Variants in ATP8A2 observed in about 807,000 individuals in gnomAD.
ATP8A2 encodes ATPase phospholipid transporting 8A2.
In ATP8A2, 100 loss-of-function variants were observed where a neutral mutation model predicts 165.6. The ratio of observed to expected loss-of-function variants is 0.60; its 90% CI spans 0.51 to 0.71. ATP8A2 has a LOEUF of 0.71. Ranked by LOEUF, ATP8A2 falls within the 30% of genes least tolerant of loss-of-function variation. The pLI is 0.00. For synonymous variants in ATP8A2, 543 were observed against 548.8 expected (o/e 0.99, Z 0.15); for missense variants, 1,227 against 1,479.5 (o/e 0.83, Z 2.80).
At chr13:25,774,716 G>C (rs2044702136) in intron 26 of ATP8A2, 133 bp from the exon 27 acceptor site, 1 of 568,076 alleles carries the variant, frequency 1.8e-6, no homozygotes, top group African/African-American at 1.9e-5. Flanking sequence ...TCAGAGAATG[G>C]TTTTCTGAGA....
intron 25 of ATP8A2, among the ~76,000 whole-genome samples, chr13:25,745,360 G>A (rs567913264): frequency 3.9e-5 from 6 of 152,188 alleles, no homozygotes; most frequent in South Asian, 4.1e-4. Context: ...GCGTTATGCC[G>A]TGAGCGTTTG....
intron 25 of ATP8A2, among the ~76,000 whole-genome samples, chr13:25,765,131 C>T (rs1004882479): frequency 6.6e-6 from 1 of 152,158 alleles, no homozygotes; most frequent in Admixed American, 6.5e-5. Context: ...ATGAGATACT[C>T]CAGGAACTGA....
At chr13:25,533,443 A>G (rs1161448312) in intron 6 of ATP8A2, 130 bp downstream of exon 6, 3 of 560,016 alleles carry the variant, frequency 5.4e-6, no homozygotes, top group Non-Finnish European at 9.5e-6. Flanking sequence ...CTGAGACCTG[A>G]TGCGTGTTTA....
chr13:25,465,716 TTTC>T (rs1441014801), intron 1 of ATP8A2, among the ~76,000 whole-genome samples: 217 of 35,586 alleles, frequency 6.1e-3, no homozygotes, highest in South Asian at 0.011. Context: ...TCTTTCTTTC[TTTC>T]TTTCTTTCTT....
intron 24 of ATP8A2, among the ~76,000 whole-genome samples, chr13:25,651,367 C>G (rs781674162): frequency 4.9e-4 from 75 of 151,936 alleles, no homozygotes; most frequent in South Asian, 1.2e-3. Flanking sequence ...CACTTGAACT[C>G]GGGAGGCAGA....
At chr13:25,861,499 T>C (rs755723162) in intron 32 of ATP8A2, among the ~76,000 whole-genome samples, 6 of 152,332 alleles carry the variant, frequency 3.9e-5, no homozygotes, top group South Asian at 2.1e-4. Context: ...CATGTGTGTC[T>C]CTCATAGTGT....
chr13:25,980,032 AT>A (rs1956144725), intron 35 of ATP8A2, among the ~76,000 whole-genome samples: 1 of 152,200 alleles, frequency 6.6e-6, no homozygotes, highest in African/African-American at 2.4e-5. Flanking sequence ...AACCGTATGT[AT>A]TTTTATGCCA....
At chr13:25,786,615 A>G (rs75837716) in intron 27 of ATP8A2, among the ~76,000 whole-genome samples, 2,412 of 152,238 alleles carry the variant, frequency 0.016, 70 homozygotes, top group African/African-American at 0.055. Flanking sequence ...AGAAGCTTTT[A>G]CTTCCCTGTT....
At chr13:25,510,654 A>G (rs933590972) in intron 2 of ATP8A2, among the ~76,000 whole-genome samples, 14 of 152,312 alleles carry the variant, frequency 9.2e-5, no homozygotes, top group Admixed American at 8.5e-4. Flanking sequence ...CTAGGTGTCA[A>G]TTGCCGCTGG....
In ATP8A2 at chr13:25,774,746, C is replaced by T. The variant is rs192479114; in HGVS notation, c.2569-103C>T. ...CTGAGATTCCTGCGGAATCTGGTTT[C>T]CTCTACCTACATTATCTGACTTCTG... On this transcript the variant is annotated intron_variant, in intron 26 of 36. Coordinates refer to ENST00000381655, the MANE Select transcript of ATP8A2 (RefSeq NM_016529.6). 26 of 657,300 alleles carry T rather than the reference C, an allele frequency of 4.0e-5. No individual in the cohort carries two copies. The Admixed American group carries it at 4.4e-4, about 11-fold the overall frequency. 40.7% of individuals were successfully genotyped at this position (657,300 alleles called of 1,614,324 possible). A position where few individuals can be genotyped will look rare whatever the true frequency, so the allele number is the denominator to read the frequency against.
At chr13:25,411,294 G>A (rs2033957069) in intron 1 of ATP8A2, among the ~76,000 whole-genome samples, 2 of 152,184 alleles carry the variant, frequency 1.3e-5, no homozygotes, top group Non-Finnish European at 2.9e-5. Context: ...AGAATATCAG[G>A]TGTGTTTCCA....
intron 28 of ATP8A2, among the ~76,000 whole-genome samples, chr13:25,828,692 T>C (rs573896506): frequency 6.6e-6 from 1 of 152,366 alleles, no homozygotes; most frequent in Non-Finnish European, 1.5e-5. Flanking sequence ...GACTTCCAGC[T>C]ACTGTGGAGG....
chr13:25,821,073 C>T (rs2138568789), intron 27 of ATP8A2, among the ~76,000 whole-genome samples: 1 of 152,134 alleles, frequency 6.6e-6, no homozygotes, highest in East Asian at 1.9e-4. Flanking sequence ...CTTGTTTATG[C>T]TTCTCAAAAA....
In ATP8A2 at chr13:25,980,418, C is replaced by G. The variant is rs189715191; in HGVS notation, c.3377+11739C>G. Among the ~76,000 whole-genome samples, 8 of 152,196 alleles carry G rather than the reference C, an allele frequency of 5.3e-5. No individual in the cohort carries two copies. The East Asian group carries it at 1.5e-3, about 29-fold the overall frequency. ...ACCAAGAGGAGATCTGGGGAAGGAA[C>G]GTTCCAGGCACCAGAATTTGATAAG... On this transcript the variant is annotated intron_variant, in intron 35 of 36. Coordinates refer to ENST00000381655, the MANE Select transcript of ATP8A2 (RefSeq NM_016529.6).
intron 33 of ATP8A2, among the ~76,000 whole-genome samples, chr13:25,954,643 G>T (rs1357892825): frequency 6.6e-6 from 1 of 152,194 alleles, no homozygotes; most frequent in Admixed American, 6.5e-5. Context: ...GCCCCTCTGG[G>T]ATGAAGCTTC....
intron 35 of ATP8A2, among the ~76,000 whole-genome samples, chr13:26,005,848 C>T (rs1956726964): frequency 6.6e-6 from 1 of 151,944 alleles, no homozygotes; most frequent in African/African-American, 2.4e-5. Flanking sequence ...TTTCTGGACT[C>T]TCAATTATAT....
intron 25 of ATP8A2, among the ~76,000 whole-genome samples, chr13:25,727,012 T>C (rs1049009602): frequency 1.3e-5 from 2 of 152,178 alleles, no homozygotes; most frequent in African/African-American, 4.8e-5. Flanking sequence ...TGATTTTCCG[T>C]GTAGTACCTG....
At chr13:25,715,383 C>T (rs2043235245) in intron 25 of ATP8A2, among the ~76,000 whole-genome samples, 1 of 152,170 alleles carries the variant, frequency 6.6e-6, no homozygotes, top group East Asian at 1.9e-4. Flanking sequence ...TTGAAGTATA[C>T]AATTCAATCA....
At chr13:25,583,481 G>GT (rs2039832761) in intron 23 of ATP8A2, among the ~76,000 whole-genome samples, 1 of 152,172 alleles carries the variant, frequency 6.6e-6, no homozygotes, top group Admixed American at 6.5e-5. Context: ...ACCTATGCGT[G>GT]TCACTGGCCC....
Sources: allele counts gnomAD v4.1 joint callset (sites outside exome capture counted in the v4.1 genomes callset), GRCh38; gene constraint gnomAD v4.1.1; transcripts MANE v1.5; gene names NCBI Gene and HGNC (gene_info 2026-07-23, HGNC 2026-07-21).